Variants in PRKCE observed in about 807,000 individuals in gnomAD.
PRKCE encodes the protein protein kinase C epsilon type.
PRKCE carries 16 observed loss-of-function variants against 85.4 expected under a neutral mutation model. That is an observed-to-expected ratio of 0.19 (90% CI 0.13 to 0.28). The LOEUF (loss-of-function observed/expected upper bound fraction) is 0.28. Among genes scored for constraint, PRKCE ranks in the 10% least tolerant of loss-of-function variants. The probability of loss-of-function intolerance (pLI) is 1.00; values close to 1 mark genes in which losing one functional copy is unlikely to be tolerated. For synonymous variants in PRKCE, 388 were observed against 371.5 expected, an observed-to-expected ratio of 1.04 and a Z score of -0.51; for missense variants, 573 against 975.2, an observed-to-expected ratio of 0.59 and a Z score of 5.49.
intron 5 of PRKCE, 112 bp from the exon 6 acceptor site, chr2:45,984,439 C>G: frequency 6.8e-7 from 1 of 1,466,424 alleles, no homozygotes; most frequent in Non-Finnish European, 9.2e-7. Flanking sequence ...TAGGGCCTGC[C>G]ACCTACAATG....
chr2:45,821,041 G>T (rs1558711531), intron 1 of PRKCE, among the ~76,000 whole-genome samples: 1 of 152,110 alleles, frequency 6.6e-6, no homozygotes, highest in Non-Finnish European at 1.5e-5. Context: ...AGGGTCAGGG[G>T]AGCCAAGCCT....
intron 2 of PRKCE, among the ~76,000 whole-genome samples, chr2:45,870,442 C>G (rs1187476251): frequency 6.6e-6 from 1 of 152,196 alleles, no homozygotes; most frequent in Non-Finnish European, 1.5e-5. Flanking sequence ...TCTTTATACT[C>G]AGTCATTGTA....
intron 10 of PRKCE, among the ~76,000 whole-genome samples, chr2:46,040,128 C>T (rs1708132820): frequency 6.6e-6 from 1 of 152,202 alleles, no homozygotes. Context: ...TCTCTGAATA[C>T]ACACAGTGTT....
intron 2 of PRKCE, among the ~76,000 whole-genome samples, chr2:45,865,571 G>A (rs1483717767): frequency 6.6e-6 from 1 of 152,210 alleles, no homozygotes; most frequent in African/African-American, 2.4e-5. Context: ...GGGTTTTGAA[G>A]AGATTATTAA....
intron 1 of PRKCE, among the ~76,000 whole-genome samples, chr2:45,663,503 AAAAT>A (rs1206811438): frequency 6.6e-6 from 1 of 152,128 alleles, no homozygotes; most frequent in Non-Finnish European, 1.5e-5. Flanking sequence ...AAGAATATAG[AAAAT>A]GTTGGACAGC....
At chr2:46,125,121 A>G (rs1412758909) in intron 11 of PRKCE, among the ~76,000 whole-genome samples, 1 of 152,222 alleles carries the variant, frequency 6.6e-6, no homozygotes, top group South Asian at 2.1e-4. Flanking sequence ...AGCTTTAGAA[A>G]ATTGGAATCT....
At chr2:45,666,411 G>A (rs999902419) in intron 1 of PRKCE, among the ~76,000 whole-genome samples, 1 of 151,806 alleles carries the variant, frequency 6.6e-6, no homozygotes, top group African/African-American at 2.4e-5. Context: ...CAGACATCCA[G>A]GGCCCTGTGT....
Position 45,705,487 on chromosome 2 carries a change from T to A in PRKCE, c.348+53039T>A, listed in dbSNP as rs373329302. Among the ~76,000 whole-genome samples, 29 of 152,330 alleles carry A rather than the reference T, an allele frequency of 1.9e-4. No homozygotes were observed. In the East Asian group the frequency reaches 3.5e-3, roughly 18 times the overall value. ...GTGTAAACCCAGCTGTACCATTCCC[T>A]GCACCGCATGCTCCAACCAGACCAA... On this transcript the variant is annotated intron_variant, in intron 1 of 14. Transcript: ENST00000306156.
chr2:45,788,560 C>G (rs972077936), intron 1 of PRKCE, among the ~76,000 whole-genome samples: 3 of 152,186 alleles, frequency 2.0e-5, no homozygotes, highest in African/African-American at 7.2e-5. Context: ...TCCTTTCTAC[C>G]TACCCCTCCA....
chr2:46,064,291 A>G (rs1377682877), intron 10 of PRKCE, among the ~76,000 whole-genome samples: 2 of 151,628 alleles, frequency 1.3e-5, no homozygotes, highest in African/African-American at 2.4e-5. Context: ...AAAAAAAAAA[A>G]AAAAAAAAAA....
At chr2:45,724,640 C>T (rs775626243) in intron 1 of PRKCE, among the ~76,000 whole-genome samples, 1 of 152,220 alleles carries the variant, frequency 6.6e-6, no homozygotes, top group Non-Finnish European at 1.5e-5. Flanking sequence ...AAAAGTATTG[C>T]TCCAGTAAAT....
intron 10 of PRKCE, among the ~76,000 whole-genome samples, chr2:46,055,028 C>T (rs575879498): frequency 6.6e-6 from 1 of 152,308 alleles, no homozygotes; most frequent in African/African-American, 2.4e-5. Flanking sequence ...TCAATAAAAT[C>T]CCCCACATTT....
At chr2:46,045,689 G>A (rs541399005) in intron 10 of PRKCE, among the ~76,000 whole-genome samples, 8 of 152,280 alleles carry the variant, frequency 5.3e-5, no homozygotes, top group African/African-American at 1.9e-4. Context: ...AACCAGCCTG[G>A]CCAACATGGT....
intron 1 of PRKCE, among the ~76,000 whole-genome samples, chr2:45,806,936 G>T (rs1398040374): frequency 1.3e-5 from 2 of 152,302 alleles, no homozygotes; most frequent in African/African-American, 2.4e-5. Context: ...GGGCCCCTGA[G>T]GATGTTTTGC....
At chr2:46,073,714 T>G (rs1558422668) in intron 10 of PRKCE, 1 of 152,150 alleles carries the variant, frequency 6.6e-6, no homozygotes, top group Non-Finnish European at 1.5e-5. Flanking sequence ...CCCAAACTGA[T>G]GCAGACAGAA....
At chr2:45,719,770 C>T (rs1485216690) in intron 1 of PRKCE, among the ~76,000 whole-genome samples, 1 of 152,044 alleles carries the variant, frequency 6.6e-6, no homozygotes, top group Non-Finnish European at 1.5e-5. Flanking sequence ...AATTAAAATA[C>T]CCAGACTGGC....
At chr2:45,939,581 C>T (rs893418867) in intron 2 of PRKCE, among the ~76,000 whole-genome samples, 3 of 150,268 alleles carry the variant, frequency 2.0e-5, no homozygotes, top group South Asian at 2.1e-4. Context: ...TTTGAGAAGG[C>T]GTCTCACTCT....
chr2:45,897,434 G>A (rs186639791), intron 2 of PRKCE, among the ~76,000 whole-genome samples: 108 of 152,246 alleles, frequency 7.1e-4, no homozygotes, highest in African/African-American at 2.6e-3. Flanking sequence ...CTTGTTTTGT[G>A]CTAATAGACA....
At chr2:45,842,077 T>C (rs1045919368) in intron 1 of PRKCE, among the ~76,000 whole-genome samples, 5 of 152,180 alleles carry the variant, frequency 3.3e-5, no homozygotes, top group Non-Finnish European at 4.4e-5. Flanking sequence ...TACTCTCTTA[T>C]AGAGAGAACA....
Sources: gnomAD v4.1 joint callset for allele counts (sites outside exome capture counted in the v4.1 genomes callset) on GRCh38, gnomAD v4.1.1 for gene constraint, MANE v1.5 for transcripts, NCBI Gene and HGNC (gene_info 2026-07-23, HGNC 2026-07-21) for gene names.